Variants in TANC2 observed in about 807,000 individuals in gnomAD.
TANC2 encodes the protein protein TANC2.
TANC2 carries 26 observed loss-of-function variants against 210.5 expected under a neutral mutation model. The observed-to-expected ratio is 0.12, with a 90% confidence interval of 0.09 to 0.17. The LOEUF (loss-of-function observed/expected upper bound fraction) is 0.17, where lower values mean the gene tolerates loss of function less well. TANC2 is among the 10% of genes least tolerant of loss of function. TANC2 has a pLI of 1.00. For missense variants in TANC2, 2,129 were observed against 2,608.9 expected (o/e 0.82, Z 4.01); for synonymous variants, 931 against 967.1 (o/e 0.96, Z 0.69).
chr17:63,332,190 A>C, intron 11 of TANC2: 1 of 382,536 alleles, frequency 2.6e-6, no homozygotes, highest in Non-Finnish European at 5.1e-6. Flanking sequence ...CTGTTTTTAC[A>C]TATTTCTTCT....
chr17:63,171,744 T>C (rs2040411962), intron 5 of TANC2, among the ~76,000 whole-genome samples: 1 of 152,264 alleles, frequency 6.6e-6, no homozygotes, highest in Non-Finnish European at 1.5e-5. Context: ...TACATTTTTG[T>C]ATTATAACAC....
chr17:63,128,602 G>A (rs1459020073), intron 4 of TANC2, among the ~76,000 whole-genome samples: 4 of 152,168 alleles, frequency 2.6e-5, no homozygotes, highest in African/African-American at 9.7e-5. Flanking sequence ...TATTTTAAGG[G>A]AAAGTGTTTA....
At chr17:63,408,090 A>G (rs28687321) in intron 21 of TANC2, among the ~76,000 whole-genome samples, 4,874 of 152,332 alleles carry the variant, frequency 0.032, 87 homozygotes, top group African/African-American at 0.045. Context: ...GTATGTGAAC[A>G]GCAGATTTGA....
chr17:63,306,816 T>C (rs1301403795), intron 9 of TANC2, among the ~76,000 whole-genome samples: 1 of 152,118 alleles, frequency 6.6e-6, no homozygotes, highest in Non-Finnish European at 1.5e-5. Flanking sequence ...TAGTCACGTA[T>C]GGTGGGACAT....
chr17:63,349,051 A>C (rs2046509079), intron 12 of TANC2, among the ~76,000 whole-genome samples: 2 of 152,154 alleles, frequency 1.3e-5, no homozygotes, highest in Admixed American at 1.3e-4. Flanking sequence ...TTCCTAAGTG[A>C]TGACATTTTT....
chr17:63,218,116 T>G (rs536685752), intron 7 of TANC2, among the ~76,000 whole-genome samples: 1 of 152,230 alleles, frequency 6.6e-6, no homozygotes, highest in East Asian at 1.9e-4. Context: ...AGATCCTGTC[T>G]CTACAAAAGT....
chr17:63,191,835 A>G (rs2041196221), intron 5 of TANC2, among the ~76,000 whole-genome samples: 1 of 152,214 alleles, frequency 6.6e-6, no homozygotes, highest in Non-Finnish European at 1.5e-5. Flanking sequence ...GGAATAGGGA[A>G]GAGGTTACTG....
chr17:63,159,199 G>C (rs1433424064), intron 5 of TANC2, among the ~76,000 whole-genome samples: 2 of 152,106 alleles, frequency 1.3e-5, no homozygotes, highest in African/African-American at 4.8e-5. Flanking sequence ...TCAAGTGGAG[G>C]GAATTACAAA....
chr17:63,144,783 G>A (rs967984284), intron 4 of TANC2, among the ~76,000 whole-genome samples: 1 of 152,118 alleles, frequency 6.6e-6, no homozygotes, highest in Admixed American at 6.6e-5. Context: ...TTTGCATTAT[G>A]AAGAGTCAGA....
At chr17:63,080,211 A>T (rs1353315965) in intron 3 of TANC2, among the ~76,000 whole-genome samples, 3 of 152,136 alleles carry the variant, frequency 2.0e-5, no homozygotes, top group African/African-American at 7.2e-5. Context: ...TGGAATTCGG[A>T]TTCTGTATTT....
intron 4 of TANC2, among the ~76,000 whole-genome samples, chr17:63,135,436 G>A (rs2039058674): frequency 6.6e-6 from 1 of 152,072 alleles, no homozygotes; most frequent in Admixed American, 6.5e-5. Context: ...CTCATAAAAT[G>A]TTGATCAGTG....
chr17:63,389,889 G>T, intron 17 of TANC2: 1 of 315,884 alleles, frequency 3.2e-6, no homozygotes, highest in East Asian at 8.1e-5. Flanking sequence ...AGACTGCAGT[G>T]GCAGGTCTGG....
intron 24 of TANC2, 96 bp from the exon 25 acceptor site, chr17:63,413,447 C>A: frequency 1.1e-6 from 1 of 905,120 alleles, no homozygotes; most frequent in Non-Finnish European, 1.7e-6. Context: ...GTTGTTCTCT[C>A]AGCAGAAATT....
chr17:63,102,088 G>A (rs2037643693), intron 4 of TANC2, among the ~76,000 whole-genome samples: 1 of 152,078 alleles, frequency 6.6e-6, no homozygotes, highest in Non-Finnish European at 1.5e-5. Flanking sequence ...ATTGCATGAG[G>A]CCAGAAGTTT....
intron 7 of TANC2, among the ~76,000 whole-genome samples, chr17:63,210,180 A>G (rs1180616124): frequency 6.6e-6 from 1 of 152,124 alleles, no homozygotes; most frequent in African/African-American, 2.4e-5. Flanking sequence ...AATACTCCCC[A>G]AGGCTGACTC....
chr17:63,291,027 T>A (rs913467715), intron 9 of TANC2, among the ~76,000 whole-genome samples: 1 of 152,074 alleles, frequency 6.6e-6, no homozygotes, highest in Non-Finnish European at 1.5e-5. Context: ...AAAAAAAAAT[T>A]CATACTGTCC....
intron 4 of TANC2, among the ~76,000 whole-genome samples, chr17:63,112,591 A>G (rs1387805051): frequency 1.3e-5 from 2 of 152,218 alleles, no homozygotes; most frequent in African/African-American, 4.8e-5. Flanking sequence ...AGTTCTACAT[A>G]GTCATTTGTA....
rs559963689 is a variant in TANC2, at chr17:63,412,902, A to C, written c.3928+193A>C. On this transcript the variant is annotated intron_variant, in intron 24 of 27. Transcript: ENST00000689528. This position sits in a 1 kb window ranked among gnomAD's most constrained non-coding sequence, Gnocchi z 4.2. ...TTTGATAACTAACCTTGAAAAGCAT[A>C]GTTTGTAAATAATTCAGGCATTTGT... Among the ~76,000 whole-genome samples, 2 of 152,300 alleles carry C rather than the reference A, an allele frequency of 1.3e-5. No individual in the cohort carries two copies. The highest frequency in any genetic ancestry group is 6.5e-5 in the Admixed American group (1 of 15,302).
At position 63,420,807 on chromosome 17, in the gene TANC2, A is replaced by G; in HGVS notation, c.5077A>G (p.Lys1693Glu). 1.2e-6 allele frequency: 2 copies of G among 1,614,012 alleles called. No individual in the cohort carries two copies. The highest frequency in any genetic ancestry group is 1.7e-6 in the Non-Finnish European group (2 of 1,179,874). ...GCAAGGGCTCAGGCTACAGCCTGCC[A>G]AGGCCCAGATTGTGAGAAGTAACCA... Residue 1693 changes from lysine (K) to glutamate (E), a missense_variant, in exon 28 of 28, where the codon AAG becomes GAG. Around this residue, in one of 5 missense-constraint regions of TANC2, gnomAD observed 584 missense variants for 627.3 expected, o/e 0.93. Coordinates refer to ENST00000689528, the Ensembl canonical transcript of TANC2. The surrounding 1 kb of genome is among the most constrained non-coding windows in gnomAD (Gnocchi z 4.2).
Sources: allele counts gnomAD v4.1 joint callset (sites outside exome capture counted in the v4.1 genomes callset), GRCh38; gene constraint gnomAD v4.1.1; regional missense constraint gnomAD v4.1.1; non-coding constraint Gnocchi (gnomAD v3.1); transcripts MANE v1.5; gene names NCBI Gene and HGNC (gene_info 2026-07-23, HGNC 2026-07-21).